KCNJ10: variants seen among roughly 807,000 people sequenced by gnomAD.
The protein encoded by KCNJ10 is ATP-sensitive inward rectifier potassium channel 10.
In KCNJ10, 9 loss-of-function variants were observed where a neutral mutation model predicts 22.2. The observed-to-expected ratio is 0.40, with a 90% CI of 0.24 to 0.71. The LOEUF (loss-of-function observed/expected upper bound fraction) is 0.71. Among genes scored for constraint, KCNJ10 ranks in the 30% least tolerant of loss-of-function variants. The probability of loss-of-function intolerance (pLI) is 0.35; values close to 1 mark genes in which losing one functional copy is unlikely to be tolerated. For missense variants in KCNJ10, 337 were observed against 482.7 expected, an observed-to-expected ratio of 0.70 and a Z score of 2.83; for synonymous variants, 184 against 187.3, an observed-to-expected ratio of 0.98 and a Z score of 0.15.
intron 1 of KCNJ10, among the ~76,000 whole-genome samples, chr1:160,065,660 C>T (rs1347381143): frequency 6.6e-6 from 1 of 151,998 alleles, no homozygotes; most frequent in Admixed American, 6.6e-5. Context: ...GGGATATGCT[C>T]CCCAGGATCA....
chr1:160,039,774 A>G lies in KCNJ10; in HGVS notation c.*1619T>C, dbSNP rs974041802. 4 of 152,260 alleles carry G rather than the reference A, an allele frequency of 2.6e-5. No homozygotes were observed. Among genetic ancestry groups the G allele is most frequent in the African/African-American group, 9.6e-5 (4 of 41,464 alleles). The allele number at this position is 152,260 out of a possible 1,614,324, so 9.4% of individuals were successfully genotyped here. On this transcript the variant is annotated 3_prime_UTR_variant, in exon 2 of 2. Transcript: ENST00000644903. ...TGTATATATTCTGTAGCTTGTAACAATTGGCTGAGACCACCTTAAACTGCA... is the reference window on the plus strand; with the variant it reads ...TGTATATATTCTGTAGCTTGTAACAGTTGGCTGAGACCACCTTAAACTGCA...
intron 1 of KCNJ10, among the ~76,000 whole-genome samples, chr1:160,059,813 A>G (rs1473818265): frequency 1.3e-5 from 2 of 152,188 alleles, no homozygotes; most frequent in Non-Finnish European, 2.9e-5. Flanking sequence ...AGGTGACTAA[A>G]GGGGGACTTT....
At chr1:160,060,803 C>T (rs1649172502) in intron 1 of KCNJ10, among the ~76,000 whole-genome samples, 1 of 152,142 alleles carries the variant, frequency 6.6e-6, no homozygotes, top group Admixed American at 6.5e-5. Context: ...CCTACAGATC[C>T]TCGTGCAGAC....
intron 1 of KCNJ10, among the ~76,000 whole-genome samples, chr1:160,048,279 G>T (rs1460104838): frequency 1.7e-5 from 2 of 119,854 alleles, no homozygotes; most frequent in Non-Finnish European, 3.6e-5. Context: ...AGCCACTTCA[G>T]AGTGCGAGGG....
chr1:160,041,873 G>A lies in KCNJ10; in HGVS notation c.660C>T (p.Thr220=). 2.5e-6 allele frequency: 4 copies of A among 1,614,168 alleles called. No individual in the cohort carries two copies. Among genetic ancestry groups the A allele is most frequent in the Non-Finnish European group, 3.4e-6 (4 of 1,180,024 alleles). ...TGTTCTCCCCTTCCTTGGTTTGGTGGGTCTGAAGCAGTTTTCCTGTCACCT... is the reference window on the plus strand; with the variant it reads ...TGTTCTCCCCTTCCTTGGTTTGGTGAGTCTGAAGCAGTTTTCCTGTCACCT... ...GCQVTGKLLQ[T]HQTKEGENIR... The change falls in exon 2 of 2, where the codon ACC becomes ACT. Residue 220 remains threonine (T), a synonymous_variant. Coordinates refer to ENST00000644903, the MANE Select transcript of KCNJ10 (RefSeq NM_002241.5). The surrounding 1 kb of genome is among the most constrained non-coding windows in gnomAD (Gnocchi z 4.4).
At chr1:160,069,550 G>A (rs1033182650) in intron 1 of KCNJ10, among the ~76,000 whole-genome samples, 14 of 149,476 alleles carry the variant, frequency 9.4e-5, no homozygotes, top group Non-Finnish European at 1.2e-4. Context: ...GCCAGTATCT[G>A]TTTTTCTCCC....
At chr1:160,064,542 G>A (rs990018425) in intron 1 of KCNJ10, among the ~76,000 whole-genome samples, 4 of 152,106 alleles carry the variant, frequency 2.6e-5, no homozygotes, top group African/African-American at 9.7e-5. Context: ...ATTATTTCAT[G>A]TGTCCCAGTG....
intron 1 of KCNJ10, among the ~76,000 whole-genome samples, chr1:160,044,452 CAAACTCTTGAA>C (rs1047126611): frequency 6.6e-6 from 1 of 152,058 alleles, no homozygotes; most frequent in African/African-American, 2.4e-5. Context: ...ATTTGATCCT[CAAACTCTTGAA>C]AAAAAAGATG....
rs773510302 is a variant in KCNJ10, at chr1:160,042,385, G to A, written c.148C>T (p.Leu50Phe). 223 of 1,614,014 alleles carry A rather than the reference G, an allele frequency of 1.4e-4. No individual in the cohort carries two copies. Among genetic ancestry groups the A allele is most frequent in the Non-Finnish European group, 1.1e-4 (131 of 1,179,972 alleles). ...RMEHIADKRF[L>F]YLKDLWTTFI... is the part of the protein sequence containing the mutation. ...GTTGTCCACAGGTCCTTGAGGTAGA[G>A]GAAGCGCTTGTCGGCAATGTGCTCC... Residue 50 changes from leucine to phenylalanine, a missense_variant, in exon 2 of 2, where the codon CTC becomes TTC. By Grantham distance (22) the Leu-to-Phe change is conservative (BLOSUM62 0). Coordinates refer to ENST00000644903, the MANE Select transcript of KCNJ10 (RefSeq NM_002241.5).
intron 1 of KCNJ10, among the ~76,000 whole-genome samples, chr1:160,049,311 G>A (rs751741533): frequency 2.0e-5 from 3 of 151,900 alleles, no homozygotes; most frequent in Non-Finnish European, 4.4e-5. Context: ...CCTTATCTCC[G>A]ACCACTTTTC....
At chr1:160,051,038 G>A (rs1210925256) in intron 1 of KCNJ10, among the ~76,000 whole-genome samples, 2 of 152,066 alleles carry the variant, frequency 1.3e-5, no homozygotes, top group African/African-American at 4.8e-5. Flanking sequence ...CCACCTCCCG[G>A]GTTCAAGCGA....
chr1:160,049,720 T>TATATATAA (rs1201390198), intron 1 of KCNJ10, among the ~76,000 whole-genome samples: 49 of 122,908 alleles, frequency 4.0e-4, no homozygotes, highest in African/African-American at 1.6e-3. Context: ...TATATATATA[T>TATATATAA]GTTATCCTAA....
intron 1 of KCNJ10, among the ~76,000 whole-genome samples, chr1:160,046,921 T>C (rs1186680): frequency 0.79 from 119,630 of 152,172 alleles, 47,278 homozygotes; most frequent in East Asian, 0.96. Flanking sequence ...GAGACAGAAT[T>C]CTGAAGACCA....
Position 160,039,872 on chromosome 1 carries a change from A to G in KCNJ10, c.*1521T>C, listed in dbSNP as rs1461016329. 6.6e-6 allele frequency: 1 copy of G among 152,206 alleles called. No homozygotes were observed. The highest frequency in any genetic ancestry group is 1.5e-5 in the Non-Finnish European group (1 of 68,050). 9.4% of individuals were successfully genotyped at this position (152,206 alleles called of 1,614,324 possible). On this transcript the variant is annotated 3_prime_UTR_variant, in exon 2 of 2. Coordinates refer to ENST00000644903, the MANE Select transcript of KCNJ10 (RefSeq NM_002241.5). ...TGGTACCAAAGTGAGACCAGAAAGCACTCTAGGGATTTGGGGCTTTGGATA... is the reference window on the plus strand; with the variant it reads ...TGGTACCAAAGTGAGACCAGAAAGCGCTCTAGGGATTTGGGGCTTTGGATA...
chr1:160,055,294 G>C (rs1160714010), intron 1 of KCNJ10, among the ~76,000 whole-genome samples: 1 of 152,120 alleles, frequency 6.6e-6, no homozygotes, highest in Non-Finnish European at 1.5e-5. Context: ...CAGTCTAGGG[G>C]GGGCAGGGGG....
At position 160,042,318 on chromosome 1, in the gene KCNJ10, G is replaced by A. The variant is rs746513174; in HGVS notation, c.215C>T (p.Ser72Phe). ...MQWRYKLLLF[S>F]ATFAGTWFLF... is the part of the protein sequence containing the mutation. Reference sequence around the variant, plus strand: ...GAACCATGTGCCTGCAAAGGTCGCAGAGAAGAGCAGAAGCTTGTAGCGCCA... The same window carrying A: ...GAACCATGTGCCTGCAAAGGTCGCAAAGAAGAGCAGAAGCTTGTAGCGCCA... The change falls in exon 2 of 2, where the codon TCT becomes TTT. Residue 72 changes from serine to phenylalanine, a missense_variant. Transcript: ENST00000644903. The A allele has an allele frequency of 6.2e-7, 1 of 1,613,612 alleles. No individual in the cohort carries two copies. Among genetic ancestry groups the A allele is most frequent in the Admixed American group, 1.7e-5 (1 of 60,026 alleles).
chr1:160,050,017 C>T (rs1487344262), intron 1 of KCNJ10, among the ~76,000 whole-genome samples: 2 of 151,788 alleles, frequency 1.3e-5, no homozygotes, highest in Non-Finnish European at 2.9e-5. Context: ...CATGGAAACC[C>T]GAGATAACTA....
Position 160,040,135 on chromosome 1 carries a change from C to A in KCNJ10, c.*1258G>T, listed in dbSNP as rs139904051. On this transcript the variant is annotated 3_prime_UTR_variant, in exon 2 of 2. Transcript: ENST00000644903. ...ATAATTTCATTTCCTTCCAGCATTG[C>A]CTAATGAAATAGCTGGCACTTTTCA... The A allele has an allele frequency of 5.6e-6, 1 of 177,036 alleles. No individual in the cohort carries two copies. The highest frequency in any genetic ancestry group is 6.2e-5 in the Admixed American group (1 of 16,020). The allele number at this position is 177,036 out of a possible 1,614,324, so 11.0% of individuals were successfully genotyped here.
chr1:160,044,380 T>C (rs1023953193), intron 1 of KCNJ10, among the ~76,000 whole-genome samples: 3 of 152,278 alleles, frequency 2.0e-5, no homozygotes, highest in South Asian at 4.1e-4. Context: ...AATAATAACA[T>C]AACAACCATA....
Sources: gnomAD v4.1 joint callset for allele counts (sites outside exome capture counted in the v4.1 genomes callset) on GRCh38, gnomAD v4.1.1 for gene constraint, Gnocchi (gnomAD v3.1) non-coding constraint, MANE v1.5 for transcripts, NCBI Gene and HGNC (gene_info 2026-07-23, HGNC 2026-07-21) for gene names.